CTNND2: variants seen among roughly 807,000 people sequenced by gnomAD.
The protein encoded by CTNND2 is catenin delta-2.
CTNND2 carries 22 observed loss-of-function variants against 144.4 expected under a neutral mutation model. That is an observed-to-expected ratio of 0.15 (90% confidence interval 0.11 to 0.22). The LOEUF is 0.22. Among genes scored for constraint, CTNND2 ranks in the 10% least tolerant of loss-of-function variants. The probability of loss-of-function intolerance (pLI) is 1.00; values close to 1 mark genes in which losing one functional copy is unlikely to be tolerated. For missense variants in CTNND2, 1,353 were observed against 1,618.8 expected, an observed-to-expected ratio of 0.84 and a Z score of 2.82; for synonymous variants, 751 against 695.6, an observed-to-expected ratio of 1.08 and a Z score of -1.25.
chr5:11,799,064 T>A (rs995573221), intron 1 of CTNND2, among the ~76,000 whole-genome samples: 3 of 152,210 alleles, frequency 2.0e-5, no homozygotes, highest in Admixed American at 1.3e-4. Context: ...TTTTCCTTGC[T>A]GAGTGATCCT....
At chr5:11,895,468 T>G (rs754702436) in intron 1 of CTNND2, among the ~76,000 whole-genome samples, 26 of 152,218 alleles carry the variant, frequency 1.7e-4, no homozygotes, top group Non-Finnish European at 3.4e-4. Context: ...AAATAACCGT[T>G]CACTTAGAAA....
chr5:11,881,503 G>A (rs532822357), intron 1 of CTNND2, among the ~76,000 whole-genome samples: 1 of 151,894 alleles, frequency 6.6e-6, no homozygotes, highest in South Asian at 2.1e-4. Context: ...AAATTTTTTA[G>A]CTCCCACATA....
At chr5:11,461,647 T>A (rs764666636) in intron 3 of CTNND2, among the ~76,000 whole-genome samples, 28 of 152,160 alleles carry the variant, frequency 1.8e-4, no homozygotes, top group African/African-American at 6.5e-4. Context: ...TGAGCAAGAA[T>A]CATAAACTCA....
At chr5:10,994,126 C>T (rs1041454326) in intron 18 of CTNND2, among the ~76,000 whole-genome samples, 9 of 148,536 alleles carry the variant, frequency 6.1e-5, no homozygotes, top group African/African-American at 1.8e-4. Flanking sequence ...AATAGGCCAC[C>T]CAAAGTCAAA....
intron 6 of CTNND2, among the ~76,000 whole-genome samples, chr5:11,387,254 A>AT (rs3034067): frequency 6.6e-6 from 1 of 150,566 alleles, no homozygotes; most frequent in African/African-American, 2.4e-5. Context: ...AAAAAAAAAA[A>AT]TTCTAGAGGA....
intron 8 of CTNND2, among the ~76,000 whole-genome samples, chr5:11,352,024 A>AT (rs901125516): frequency 6.6e-6 from 1 of 152,160 alleles, no homozygotes; most frequent in African/African-American, 2.4e-5. Flanking sequence ...AACTATAAAC[A>AT]TTTTGCAATT....
At chr5:11,618,318 GTTAAAGTTT>G (rs1340189453) in intron 2 of CTNND2, among the ~76,000 whole-genome samples, 1 of 152,146 alleles carries the variant, frequency 6.6e-6, no homozygotes, top group African/African-American at 2.4e-5. Flanking sequence ...GGATCAACAC[GTTAAAGTTT>G]CTGCAAAAAT....
At chr5:11,382,592 ACT>A (rs1491198209) in intron 7 of CTNND2, among the ~76,000 whole-genome samples, 98 of 109,726 alleles carry the variant, frequency 8.9e-4, no homozygotes, top group African/African-American at 3.3e-3. Flanking sequence ...ACAGAGTGAG[ACT>A]CTGTGTGTGT....
chr5:11,081,072 T>TCACACACACACA (rs55951127), intron 16 of CTNND2, among the ~76,000 whole-genome samples: 30 of 144,980 alleles, frequency 2.1e-4, no homozygotes, highest in Non-Finnish European at 3.8e-4. Flanking sequence ...TGAGACCCTG[T>TCACACACACACA]CACACACACA....
intron 3 of CTNND2, among the ~76,000 whole-genome samples, chr5:11,428,755 G>A (rs984241093): frequency 5.9e-5 from 9 of 152,238 alleles, no homozygotes; most frequent in South Asian, 4.1e-4. Flanking sequence ...GACAAAAAGC[G>A]ACTACAACAC....
intron 12 of CTNND2, among the ~76,000 whole-genome samples, chr5:11,139,898 A>C (rs1756548725): frequency 6.6e-6 from 1 of 152,132 alleles, no homozygotes; most frequent in African/African-American, 2.4e-5. Flanking sequence ...CAGCTTCTAC[A>C]TGCACATCTT....
intron 9 of CTNND2, among the ~76,000 whole-genome samples, chr5:11,298,339 T>C (rs1258826298): frequency 6.6e-6 from 1 of 152,072 alleles, no homozygotes; most frequent in African/African-American, 2.4e-5. Flanking sequence ...CTGGGCCATT[T>C]TATGTATTTT....
intron 3 of CTNND2, among the ~76,000 whole-genome samples, chr5:11,470,978 A>ATTTT (rs1456986831): frequency 2.1e-5 from 2 of 95,808 alleles, no homozygotes; most frequent in South Asian, 3.4e-4. Context: ...ATATATATAT[A>ATTTT]TATTTTTTTT....
chr5:11,696,443 C>A (rs1459570850), intron 2 of CTNND2, among the ~76,000 whole-genome samples: 1 of 152,218 alleles, frequency 6.6e-6, no homozygotes, highest in South Asian at 2.1e-4. Flanking sequence ...GTCAACTGCC[C>A]TAATGAGAAT....
chr5:11,757,300 G>A (rs560649840), intron 1 of CTNND2, among the ~76,000 whole-genome samples: 12 of 151,602 alleles, frequency 7.9e-5, no homozygotes, highest in Non-Finnish European at 1.8e-4. Context: ...AATTTATCAT[G>A]TTGTTTAAAT....
chr5:11,853,232 G>A (rs149492420), intron 1 of CTNND2, among the ~76,000 whole-genome samples: 8 of 152,144 alleles, frequency 5.3e-5, no homozygotes, highest in Admixed American at 1.3e-4. Flanking sequence ...CAATTTTTAG[G>A]CCTTCTTTCC....
In CTNND2 at chr5:11,274,521, G is replaced by T. The variant is rs371550280; in HGVS notation, c.1629-37698C>A. Among the ~76,000 whole-genome samples, 4 of 149,962 alleles carry T rather than the reference G, an allele frequency of 2.7e-5. No homozygotes were observed. The East Asian group carries it at 5.8e-4, about 22-fold the overall frequency. Reference sequence around the variant, plus strand: ...TATCACATTGAAAACACATTTGGGAGAGTAATTAGAAAATAAAACAAATAA... The same window carrying T: ...TATCACATTGAAAACACATTTGGGATAGTAATTAGAAAATAAAACAAATAA... On this transcript the variant is annotated intron_variant, in intron 9 of 21. Transcript: ENST00000304623.
At chr5:11,611,562 G>C (rs1186034252) in intron 2 of CTNND2, among the ~76,000 whole-genome samples, 3 of 152,254 alleles carry the variant, frequency 2.0e-5, no homozygotes, top group Admixed American at 1.3e-4. Flanking sequence ...TGGATTACAT[G>C]AGGTTAGGAG....
At chr5:11,784,194 A>G (rs1790707163) in intron 1 of CTNND2, among the ~76,000 whole-genome samples, 1 of 152,204 alleles carries the variant, frequency 6.6e-6, no homozygotes, top group South Asian at 2.1e-4. Flanking sequence ...AGAAAATAAC[A>G]CTGGTTGAAA....
Sources: gnomAD v4.1 joint callset for allele counts (sites outside exome capture counted in the v4.1 genomes callset) on GRCh38, gnomAD v4.1.1 for gene constraint, MANE v1.5 for transcripts, NCBI Gene and HGNC (gene_info 2026-07-23, HGNC 2026-07-21) for gene names.